KNTC1: variants seen among roughly 807,000 people sequenced by gnomAD.
The protein encoded by KNTC1 is kinetochore associated 1.
In KNTC1, 253 loss-of-function variants were observed where a neutral mutation model predicts 314.4. The ratio of observed to expected loss-of-function variants is 0.80; its 90% CI spans 0.73 to 0.89. The LOEUF (loss-of-function observed/expected upper bound fraction) is 0.89. Among genes scored for constraint, KNTC1 ranks in the 40% least tolerant of loss-of-function variants. The probability of loss-of-function intolerance (pLI) is 0.00; values close to 1 mark genes in which losing one functional copy is unlikely to be tolerated. For missense variants in KNTC1, 2,475 were observed against 2,572.9 expected, an observed-to-expected ratio of 0.96 and a Z score of 0.82; for synonymous variants, 901 against 901.4, an observed-to-expected ratio of 1.00 and a Z score of 0.01.
chr12:122,539,778 T>G, intron 5 of KNTC1, 24 bp downstream of exon 5: 2 of 1,457,970 alleles, frequency 1.4e-6, no homozygotes, highest in Non-Finnish European at 1.8e-6. Flanking sequence ...AATTTTTTTT[T>G]GAATGACTTT....
At chr12:122,568,797 C>T (rs1299574960) in intron 21 of KNTC1, among the ~76,000 whole-genome samples, 2 of 151,828 alleles carry the variant, frequency 1.3e-5, no homozygotes, top group African/African-American at 4.8e-5. Flanking sequence ...GATCACGCCA[C>T]TGCACTCCAG....
chr12:122,537,786 G>A (rs1399293174), intron 3 of KNTC1, among the ~76,000 whole-genome samples: 1 of 152,054 alleles, frequency 6.6e-6, no homozygotes, highest in East Asian at 1.9e-4. Flanking sequence ...ACTGTTCTCA[G>A]ATATATGTAA....
At chr12:122,620,281 T>G in intron 59 of KNTC1, 198 bp from the exon 60 acceptor site, 1 of 372,340 alleles carries the variant, frequency 2.7e-6, no homozygotes, top group Non-Finnish European at 4.8e-6. Flanking sequence ...CGTGTTCCCA[T>G]GGGTAAATTC....
intron 59 of KNTC1, among the ~76,000 whole-genome samples, chr12:122,619,516 C>T (rs982907111): frequency 2.6e-5 from 4 of 152,166 alleles, no homozygotes; most frequent in South Asian, 2.1e-4. Flanking sequence ...GGGTTCACGC[C>T]GTTCTCCCGC....
At chr12:122,589,621 T>C (rs61954973) in intron 40 of KNTC1, among the ~76,000 whole-genome samples, 118,161 of 150,966 alleles carry the variant, frequency 0.78, 46,693 homozygotes, top group African/African-American at 0.88. Context: ...TGCTGGTGTT[T>C]TACCATGCCT....
At chr12:122,560,394 A>C (rs1300570369) in intron 18 of KNTC1, among the ~76,000 whole-genome samples, 1 of 152,072 alleles carries the variant, frequency 6.6e-6, no homozygotes, top group African/African-American at 2.4e-5. Flanking sequence ...TTTGAGACAG[A>C]GTCTCACTTT....
At chr12:122,554,074 AAAATATAT>A (rs1362638961) in intron 16 of KNTC1, among the ~76,000 whole-genome samples, 35 of 70,690 alleles carry the variant, frequency 5.0e-4, no homozygotes, top group African/African-American at 1.7e-3. Context: ...TAAAAAAAAA[AAAATATAT>A]ATATATATAT....
chr12:122,576,769 C>T (rs1965054435), intron 29 of KNTC1, 126 bp from the exon 30 acceptor site: 1 of 571,414 alleles, frequency 1.8e-6, no homozygotes, highest in East Asian at 3.1e-5. Context: ...ATGTTTTAAT[C>T]TTTCATACAA....
At chr12:122,565,254 A>ATTTTTT (rs1565961758) in intron 20 of KNTC1, among the ~76,000 whole-genome samples, 1 of 139,520 alleles carries the variant, frequency 7.2e-6, no homozygotes, top group Non-Finnish European at 1.5e-5. Context: ...TTTTTTTTTA[A>ATTTTTT]AAAAAAAAAA....
intron 44 of KNTC1, among the ~76,000 whole-genome samples, chr12:122,600,259 C>T (rs2062505): frequency 0.31 from 47,284 of 151,942 alleles, 8,836 homozygotes; most frequent in Admixed American, 0.4. Flanking sequence ...ACTACCATGC[C>T]GGCTAATTTT....
chr12:122,605,047 C>T lies in KNTC1; in HGVS notation c.5346C>T (p.Ile1782=). ...TCAGTCTCTACGAACATCCTAGCATCAATCAAAGAATTCAGAATTCATCTG... is the reference window on the plus strand; with the variant it reads ...TCAGTCTCTACGAACATCCTAGCATTAATCAAAGAATTCAGAATTCATCTG... ...LIVSLYEHPS[I]NQRIQNSSGT... is the part of the protein sequence containing the mutation. The change falls in exon 50 of 64, where the codon ATC becomes ATT. Residue 1782 remains isoleucine (I), a synonymous_variant. Transcript: ENST00000333479. 1 of 1,612,770 alleles carries T rather than the reference C, an allele frequency of 6.2e-7. No homozygotes were observed. The highest frequency in any genetic ancestry group is 1.3e-5 in the African/African-American group (1 of 75,022).
chr12:122,547,526 A>T lies in KNTC1; in HGVS notation c.928A>T (p.Thr310Ser). 1 of 1,587,098 alleles carries T rather than the reference A, an allele frequency of 6.3e-7. No homozygotes were observed. The highest frequency in any genetic ancestry group is 1.1e-5 in the South Asian group (1 of 90,038). ...TTEADSPSSV[T>S]WQGITNLKLI... ...AGAAGCAGACTCTCCTTCATCAGTC[A>T]CGTGGTATGTTATGACTATGGCTAG... is the stretch of plus-strand genomic sequence containing the variant. Residue 310 changes from threonine to serine, a missense_variant, in exon 11 of 64, where the codon ACG becomes TCG. Transcript: ENST00000333479.
chr12:122,574,044 T>C (rs1417169150), intron 26 of KNTC1, among the ~76,000 whole-genome samples: 1 of 152,260 alleles, frequency 6.6e-6, no homozygotes, highest in Admixed American at 6.5e-5. Flanking sequence ...TATTTGTAGA[T>C]TCTTCAAGAA....
chr12:122,597,367 G>C lies in KNTC1; in HGVS notation c.4356-364G>C. ...GGGTTCAAGCAATTCTCCTGCCTCA[G>C]CTTCCCGAGTAGCTGGGACTACAGC... On this transcript the variant is annotated intron_variant, in intron 43 of 63. Transcript: ENST00000333479. 4 of 233,376 alleles carry C rather than the reference G, an allele frequency of 1.7e-5. No individual in the cohort carries two copies. In the South Asian group the frequency reaches 2.3e-4, roughly 14 times the overall value. The allele number at this position is 233,376 out of a possible 1,614,324, so 14.5% of individuals were successfully genotyped here.
intron 16 of KNTC1, among the ~76,000 whole-genome samples, chr12:122,554,649 A>G (rs1963452803): frequency 6.6e-6 from 1 of 152,152 alleles, no homozygotes; most frequent in Admixed American, 6.6e-5. Context: ...GTAATGTTTA[A>G]AAAGAGACAG....
rs1964886756 is a variant in KNTC1, at chr12:122,574,348, A to G, written c.2350A>G (p.Met784Val). The G allele has an allele frequency of 3.1e-6, 5 of 1,610,846 alleles. No individual in the cohort carries two copies. Among genetic ancestry groups the G allele is most frequent in the East Asian group, 2.2e-5 (1 of 44,874 alleles). The change falls in exon 27 of 64, where the codon ATG becomes GTG. Residue 784 changes from methionine (M) to valine (V), a missense_variant. Transcript: ENST00000333479. ...LFETAWEAKAMAVIACLSDTD... is the reference protein window; with the variant it reads ...LFETAWEAKAVAVIACLSDTD... ...TGAAACAGCATGGGAAGCAAAGGCC[A>G]TGGCAGTAATAGCGTGTTTATCTGA...
chr12:122,542,623 G>C (rs1313829305), intron 6 of KNTC1, among the ~76,000 whole-genome samples: 1 of 152,156 alleles, frequency 6.6e-6, no homozygotes, highest in Non-Finnish European at 1.5e-5. Context: ...AAATTAGCCA[G>C]ACAGGGTGGC....
At chr12:122,614,400 C>T (rs971990562) in intron 55 of KNTC1, among the ~76,000 whole-genome samples, 1 of 152,100 alleles carries the variant, frequency 6.6e-6, no homozygotes, top group African/African-American at 2.4e-5. Flanking sequence ...GGGATTTAGC[C>T]TCTGAGTCAG....
chr12:122,610,044 C>G (rs150032680), intron 52 of KNTC1, among the ~76,000 whole-genome samples: 1 of 152,316 alleles, frequency 6.6e-6, no homozygotes, highest in East Asian at 1.9e-4. Context: ...GGCCCTATGT[C>G]CAGCCTCAGC....
Sources: allele counts gnomAD v4.1 joint callset (sites outside exome capture counted in the v4.1 genomes callset), GRCh38; gene constraint gnomAD v4.1.1; transcripts MANE v1.5; gene names NCBI Gene and HGNC (gene_info 2026-07-23, HGNC 2026-07-21).